BIK: variants seen among roughly 807,000 people sequenced by gnomAD.
The protein encoded by BIK is BCL2 interacting killer.
A neutral mutation model predicts 12.1 loss-of-function variants in BIK; 14 were observed. The ratio of observed to expected loss-of-function variants is 1.16; its 90% CI spans 0.77 to 1.81. BIK has a LOEUF of 1.81. BIK is among the 40% of genes most tolerant of loss of function. The pLI, the probability that BIK is intolerant of heterozygous loss-of-function variation, is 0.00. For missense variants in BIK, 215 were observed against 207.9 expected (o/e 1.03, Z -0.21); for synonymous variants, 86 against 92.3 (o/e 0.93, Z 0.39).
chr22:43,127,618 A>T, intron 2 of BIK, 79 bp from the exon 3 acceptor site: 1 of 1,314,492 alleles, frequency 7.6e-7, no homozygotes, highest in East Asian at 2.6e-5. Flanking sequence ...GCTGCACACA[A>T]TCCGTTGGCT....
rs1303820405 is a variant in BIK at position 43,129,233 on chromosome 22, G to A, written c.411G>A (p.Leu137=). The A allele has an allele frequency of 1.3e-6, 2 of 1,586,984 alleles. No individual in the cohort carries two copies. The highest frequency in any genetic ancestry group is 1.7e-6 in the Non-Finnish European group (2 of 1,171,696). ...PGSWVSCEQV[L]LALLLLLALL... is the part of the protein sequence containing the mutation. ...CACAGGTGTCCTGCGAACAGGTGCT[G>A]CTGGCGCTGCTGCTGCTGCTGGCGC... The change falls in exon 5 of 5, where the codon CTG becomes CTA. Residue 137 remains leucine, a synonymous_variant. Transcript: ENST00000216115.
chr22:43,123,958 G>C (rs1569466769), intron 1 of BIK, 58 bp from the exon 2 acceptor site: 3 of 1,561,954 alleles, frequency 1.9e-6, no homozygotes, highest in Non-Finnish European at 2.6e-6. Context: ...TCCTGTGAGA[G>C]AGCCCCCAGA....
intron 1 of BIK, among the ~76,000 whole-genome samples, chr22:43,111,329 C>G (rs972237733): frequency 2.6e-5 from 4 of 152,224 alleles, no homozygotes; most frequent in African/African-American, 9.6e-5. Flanking sequence ...GGAAAGGCTT[C>G]GTAACGGGAC....
chr22:43,118,081 C>T (rs1225471791), intron 1 of BIK, among the ~76,000 whole-genome samples: 5 of 152,200 alleles, frequency 3.3e-5, no homozygotes, highest in Admixed American at 2.6e-4. Context: ...GTGCCCGCCT[C>T]GGCCTCCCGA....
chr22:43,113,815 C>T (rs1295029765), intron 1 of BIK, among the ~76,000 whole-genome samples: 2 of 152,154 alleles, frequency 1.3e-5, no homozygotes, highest in Admixed American at 6.6e-5. Context: ...GCAGACTTAG[C>T]GGATCCCATG....
chr22:43,117,424 G>A (rs1339069902), intron 1 of BIK, among the ~76,000 whole-genome samples: 1 of 148,430 alleles, frequency 6.7e-6, no homozygotes, highest in Non-Finnish European at 1.5e-5. Flanking sequence ...ACCGGAGTGT[G>A]GTGGCATGAT....
At chr22:43,125,960 T>C (rs1930305732) in intron 2 of BIK, among the ~76,000 whole-genome samples, 1 of 151,518 alleles carries the variant, frequency 6.6e-6, no homozygotes, top group Non-Finnish European at 1.5e-5. Context: ...CCCAGCTATG[T>C]CCAGCACACG....
At chr22:43,111,340 G>A (rs568018053) in intron 1 of BIK, among the ~76,000 whole-genome samples, 2 of 152,338 alleles carry the variant, frequency 1.3e-5, no homozygotes, top group South Asian at 2.1e-4. Flanking sequence ...GTAACGGGAC[G>A]CCCAGAAAGT....
At chr22:43,121,725 G>A (rs1275403597) in intron 1 of BIK, among the ~76,000 whole-genome samples, 1 of 152,186 alleles carries the variant, frequency 6.6e-6, no homozygotes, top group Non-Finnish European at 1.5e-5. Context: ...CAAGGCAGCT[G>A]GAAGTTCTGG....
intron 1 of BIK, among the ~76,000 whole-genome samples, chr22:43,120,169 C>T (rs1046053037): frequency 6.6e-6 from 1 of 151,964 alleles, no homozygotes; most frequent in Non-Finnish European, 1.5e-5. Context: ...AGGGGGAGGG[C>T]CTGTTAGTGG....
At chr22:43,117,182 C>CCA (rs1348394524) in intron 1 of BIK, among the ~76,000 whole-genome samples, 2 of 152,152 alleles carry the variant, frequency 1.3e-5, no homozygotes, top group East Asian at 3.9e-4. Context: ...GGACGGAGGT[C>CCA]TCCCAGGCCC....
Position 43,115,515 on chromosome 22 carries a change from T to C in BIK, c.-8+4712T>C, listed in dbSNP as rs1262395290. On this transcript the variant is annotated intron_variant, in intron 1 of 4. Transcript: ENST00000216115. Reference sequence around the variant, plus strand: ...CTTACTCCTGTCGCGGGGGCTGGAGTGCAGTGGCGCGATCTCGGCTCACTG... The same window carrying C: ...CTTACTCCTGTCGCGGGGGCTGGAGCGCAGTGGCGCGATCTCGGCTCACTG... Among the ~76,000 whole-genome samples the C allele has an allele frequency of 3.3e-5, 5 of 152,020 alleles. No homozygotes were observed. The South Asian group carries it at 8.3e-4, about 25-fold the overall frequency.
intron 2 of BIK, among the ~76,000 whole-genome samples, chr22:43,125,883 A>G (rs997100104): frequency 1.3e-5 from 2 of 152,198 alleles, no homozygotes; most frequent in African/African-American, 2.4e-5. Flanking sequence ...TGGAGGCAGC[A>G]GGATTTGCCT....
intron 1 of BIK, among the ~76,000 whole-genome samples, chr22:43,114,509 G>A (rs1389399747): frequency 6.6e-6 from 1 of 152,128 alleles, no homozygotes; most frequent in Non-Finnish European, 1.5e-5. Context: ...CACCACGTTG[G>A]CCAGGTTGGT....
At chr22:43,115,623 T>C (rs1272176272) in intron 1 of BIK, among the ~76,000 whole-genome samples, 1 of 149,394 alleles carries the variant, frequency 6.7e-6, no homozygotes, top group Non-Finnish European at 1.5e-5. Context: ...CCACCACGCC[T>C]GGCTAGTTTT....
chr22:43,118,741 C>T lies in BIK; in HGVS notation c.-7-5275C>T, dbSNP rs4988383. Among the ~76,000 whole-genome samples, 7 of 152,132 alleles carry T rather than the reference C, an allele frequency of 4.6e-5. No individual in the cohort carries two copies. The East Asian group carries it at 9.6e-4, about 21-fold the overall frequency. On this transcript the variant is annotated intron_variant, in intron 1 of 4. Coordinates refer to ENST00000216115, the MANE Select transcript of BIK (RefSeq NM_001197.5). ...CTGTGAAACAGGAAGTGTCAGATCC[C>T]GCCTGCTTGGCTTTGACAGGACTGG...
At chr22:43,125,336 C>CA in intron 2 of BIK, among the ~76,000 whole-genome samples, 1 of 152,268 alleles carries the variant, frequency 6.6e-6, no homozygotes, top group African/African-American at 2.4e-5. Flanking sequence ...CAGTAGGTCT[C>CA]AGCCTTTTGT....
At chr22:43,124,951 C>T (rs1431471855) in intron 2 of BIK, among the ~76,000 whole-genome samples, 1 of 152,174 alleles carries the variant, frequency 6.6e-6, no homozygotes, top group African/African-American at 2.4e-5. Flanking sequence ...ACTGAATATA[C>T]TTATAGTTAT....
intron 1 of BIK, among the ~76,000 whole-genome samples, chr22:43,120,956 A>G (rs1930207493): frequency 6.6e-6 from 1 of 152,188 alleles, no homozygotes; most frequent in South Asian, 2.1e-4. Flanking sequence ...CGGGTGGATC[A>G]CTTGAGATCA....
Sources: gnomAD v4.1 joint callset for allele counts (sites outside exome capture counted in the v4.1 genomes callset) on GRCh38, gnomAD v4.1.1 for gene constraint, MANE v1.5 for transcripts, NCBI Gene and HGNC (gene_info 2026-07-23, HGNC 2026-07-21) for gene names.